The following FGF14 variants were observed in gnomAD, a reference collection of about 807,000 sequenced individuals.
FGF14 encodes the protein fibroblast growth factor homologous factor 4.
A neutral mutation model predicts 25.5 loss-of-function variants in FGF14; 5 were observed. That is an observed-to-expected ratio of 0.20 (90% confidence interval 0.10 to 0.41). The LOEUF (loss-of-function observed/expected upper bound fraction) is 0.41, where lower values mean the gene tolerates loss of function less well. Among genes scored for constraint, FGF14 ranks in the 10% least tolerant of loss-of-function variants. FGF14 has a pLI of 1.00. For missense variants in FGF14, 222 were observed against 320.1 expected (o/e 0.69, Z 2.34); for synonymous variants, 138 against 118.3 (o/e 1.17, Z -1.08).
chr13:102,251,352 G>A (rs549907147), intron 1 of FGF14, among the ~76,000 whole-genome samples: 1 of 152,266 alleles, frequency 6.6e-6, no homozygotes, highest in East Asian at 1.9e-4. Context: ...CTGAGTGAGG[G>A]CTGGAGCTTT....
intron 1 of FGF14, among the ~76,000 whole-genome samples, chr13:101,992,074 A>G (rs2038938880): frequency 1.3e-5 from 2 of 152,164 alleles, no homozygotes; most frequent in South Asian, 4.1e-4. Context: ...CCAGGAGCAA[A>G]GGCTCACTAA....
intron 1 of FGF14, among the ~76,000 whole-genome samples, chr13:101,935,940 A>C (rs2035071573): frequency 6.6e-6 from 1 of 152,200 alleles, no homozygotes; most frequent in African/African-American, 2.4e-5. Flanking sequence ...CATAGTATGA[A>C]ATCCCAAAAG....
chr13:102,246,850 C>T (rs1435199366), intron 1 of FGF14, among the ~76,000 whole-genome samples: 1 of 151,734 alleles, frequency 6.6e-6, no homozygotes, highest in African/African-American at 2.4e-5. Context: ...TACTACAGTG[C>T]TGCAGTAACC....
intron 1 of FGF14, among the ~76,000 whole-genome samples, chr13:101,960,397 C>T (rs2036773768): frequency 6.6e-6 from 1 of 152,188 alleles, no homozygotes; most frequent in African/African-American, 2.4e-5. Context: ...TGATCTGTTC[C>T]TCTCCATGTG....
At chr13:102,054,366 T>C (rs1015278567) in intron 1 of FGF14, among the ~76,000 whole-genome samples, 1 of 152,222 alleles carries the variant, frequency 6.6e-6, no homozygotes, top group South Asian at 2.1e-4. Context: ...GTTTAGACTA[T>C]ACATGTAAAT....
chr13:101,820,980 C>T (rs1412770738), intron 3 of FGF14, among the ~76,000 whole-genome samples: 7 of 149,342 alleles, frequency 4.7e-5, no homozygotes, highest in Non-Finnish European at 1.0e-4. Context: ...GACAGAGTCT[C>T]GCTGTCGCCC....
intron 3 of FGF14, among the ~76,000 whole-genome samples, chr13:101,847,892 A>C (rs2140344253): frequency 6.6e-6 from 1 of 152,204 alleles, no homozygotes; most frequent in Middle Eastern, 3.4e-3. Context: ...TGTAAAGTAC[A>C]AACATCTGAG....
chr13:102,203,513 A>G (rs548512711), intron 1 of FGF14, among the ~76,000 whole-genome samples: 2 of 152,308 alleles, frequency 1.3e-5, no homozygotes, highest in African/African-American at 4.8e-5. Flanking sequence ...TGCATCTATG[A>G]CCTCTTTGAA....
At chr13:101,824,164 A>T (rs1170153623) in intron 3 of FGF14, among the ~76,000 whole-genome samples, 1 of 152,042 alleles carries the variant, frequency 6.6e-6, no homozygotes, top group Non-Finnish European at 1.5e-5. Context: ...TTTTTTTAAC[A>T]CTTTAATGAT....
chr13:101,993,465 A>T (rs759084876), intron 1 of FGF14, among the ~76,000 whole-genome samples: 7 of 152,036 alleles, frequency 4.6e-5, no homozygotes, highest in Non-Finnish European at 2.9e-5. Context: ...TTGTACTTTA[A>T]CAGATAACAG....
chr13:102,150,644 G>T (rs572443540), intron 1 of FGF14, among the ~76,000 whole-genome samples: 4 of 152,306 alleles, frequency 2.6e-5, no homozygotes, highest in African/African-American at 9.6e-5. Context: ...TCTCATTTGA[G>T]CATCAGCCTG....
At chr13:102,188,075 C>T (rs2048944781) in intron 1 of FGF14, among the ~76,000 whole-genome samples, 1 of 152,012 alleles carries the variant, frequency 6.6e-6, no homozygotes, top group Non-Finnish European at 1.5e-5. Context: ...TTTTATTTTT[C>T]TCTTTACAGC....
intron 1 of FGF14, among the ~76,000 whole-genome samples, chr13:102,240,547 AAAAACACCCTTTCTTGG>A (rs2051544374): frequency 1.3e-5 from 2 of 152,162 alleles, no homozygotes; most frequent in Admixed American, 1.3e-4. Flanking sequence ...TCTTTCATAG[AAAAACACCCTTTCTTGG>A]AAAACACACA....
chr13:102,127,003 T>G (rs967020565), intron 1 of FGF14, among the ~76,000 whole-genome samples: 6 of 152,194 alleles, frequency 3.9e-5, no homozygotes, highest in Admixed American at 3.9e-4. Flanking sequence ...GCTGAGTAAG[T>G]AACTGCAGGG....
At chr13:101,789,231 A>C (rs1476402051) in intron 3 of FGF14, among the ~76,000 whole-genome samples, 1 of 151,832 alleles carries the variant, frequency 6.6e-6, no homozygotes, top group Non-Finnish European at 1.5e-5. Context: ...TTAAGACATC[A>C]TTTTCCCTAT....
intron 4 of FGF14, among the ~76,000 whole-genome samples, chr13:101,723,592 C>A (rs975790600): frequency 5.9e-5 from 9 of 151,996 alleles, no homozygotes; most frequent in Non-Finnish European, 1.0e-4. Context: ...GAAAAAGACC[C>A]TTGGGCAGCA....
At chr13:101,862,312 C>A (rs2044463187) in intron 3 of FGF14, among the ~76,000 whole-genome samples, 1 of 152,020 alleles carries the variant, frequency 6.6e-6, no homozygotes, top group African/African-American at 2.4e-5. Flanking sequence ...AAGCATCTGA[C>A]TACTGCTGTT....
chr13:102,200,028 C>T (rs535488672), intron 1 of FGF14, among the ~76,000 whole-genome samples: 1 of 152,292 alleles, frequency 6.6e-6, no homozygotes, highest in Non-Finnish European at 1.5e-5. Context: ...TCCTGTTTCA[C>T]TTGCAATTTT....
At chr13:101,759,832 G>A (rs751609717) in intron 3 of FGF14, among the ~76,000 whole-genome samples, 1 of 152,134 alleles carries the variant, frequency 6.6e-6, no homozygotes, top group Non-Finnish European at 1.5e-5. Flanking sequence ...TTGTTATCTA[G>A]CCCTTTTCTG....
Sources: allele counts gnomAD v4.1 joint callset (sites outside exome capture counted in the v4.1 genomes callset), GRCh38; gene constraint gnomAD v4.1.1; transcripts MANE v1.5; gene names NCBI Gene and HGNC (gene_info 2026-07-23, HGNC 2026-07-21).